CACNA2D1: variants seen among roughly 807,000 people sequenced by gnomAD.
CACNA2D1 encodes the protein calcium voltage-gated channel auxiliary subunit alpha2delta 1.
CACNA2D1 carries 53 observed loss-of-function variants against 171.5 expected under a neutral mutation model. That is an observed-to-expected ratio of 0.31 (90% CI 0.25 to 0.39). The LOEUF is 0.39. CACNA2D1 is among the 10% of genes least tolerant of loss of function. The pLI is 1.00. For synonymous variants in CACNA2D1, 442 were observed against 443.1 expected (o/e 1.00, Z 0.03); for missense variants, 903 against 1,299.8 (o/e 0.69, Z 4.69).
chr7:82,387,936 G>A (rs1824601782), intron 1 of CACNA2D1, among the ~76,000 whole-genome samples: 1 of 151,854 alleles, frequency 6.6e-6, no homozygotes. Flanking sequence ...TAAAAAATTA[G>A]CTGGTCATGG....
intron 2 of CACNA2D1, among the ~76,000 whole-genome samples, chr7:82,342,499 C>T (rs746505773): frequency 6.6e-6 from 1 of 151,854 alleles, no homozygotes; most frequent in Non-Finnish European, 1.5e-5. Flanking sequence ...TATTTTAAAC[C>T]TAAAAAAATC....
intron 1 of CACNA2D1, among the ~76,000 whole-genome samples, chr7:82,437,680 C>T (rs995287303): frequency 1.4e-5 from 2 of 138,260 alleles, no homozygotes; most frequent in African/African-American, 4.9e-5. Context: ...ATCTTTTCCT[C>T]GTTCATAACC....
intron 3 of CACNA2D1, among the ~76,000 whole-genome samples, chr7:82,323,458 C>T (rs552276645): frequency 7.9e-5 from 12 of 152,256 alleles, no homozygotes; most frequent in South Asian, 4.1e-4. Context: ...CTACCACTAA[C>T]GACCTATGCG....
chr7:82,261,511 T>C (rs1175371461), intron 3 of CACNA2D1, among the ~76,000 whole-genome samples: 1 of 152,206 alleles, frequency 6.6e-6, no homozygotes, highest in Non-Finnish European at 1.5e-5. Flanking sequence ...AGATAAGTAT[T>C]AACGAGAAGG....
At chr7:82,191,832 G>T (rs1371425022) in intron 3 of CACNA2D1, among the ~76,000 whole-genome samples, 6 of 151,684 alleles carry the variant, frequency 4.0e-5, no homozygotes, top group Admixed American at 3.9e-4. Context: ...TTTTATTAAT[G>T]AATATATTTC....
At chr7:82,045,082 T>A (rs1158252582) in intron 10 of CACNA2D1, among the ~76,000 whole-genome samples, 1 of 151,230 alleles carries the variant, frequency 6.6e-6, no homozygotes, top group Non-Finnish European at 1.5e-5. Flanking sequence ...GTCTTTGAAT[T>A]TCAGAAGTCA....
At chr7:82,189,510 A>G (rs1326721481) in intron 3 of CACNA2D1, among the ~76,000 whole-genome samples, 1 of 151,966 alleles carries the variant, frequency 6.6e-6, no homozygotes, top group Non-Finnish European at 1.5e-5. Flanking sequence ...TTGGCACTAA[A>G]TTTACCATGA....
chr7:82,360,958 T>C (rs769288698), intron 1 of CACNA2D1, among the ~76,000 whole-genome samples: 3 of 152,212 alleles, frequency 2.0e-5, no homozygotes, highest in Non-Finnish European at 4.4e-5. Context: ...AGTTAGTCCA[T>C]CTTCAACTTT....
rs752401774 is a variant in CACNA2D1, at chr7:81,983,295, G to C, written c.1894+19C>G. ...AGTGTACTAAACAGAAAGAAGTTGAGCAACAAGAAAATACTTGCCCTTCAT... is the reference window on the plus strand; with the variant it reads ...AGTGTACTAAACAGAAAGAAGTTGACCAACAAGAAAATACTTGCCCTTCAT... On this transcript the variant is annotated intron_variant, in intron 23 of 38. Coordinates refer to ENST00000356860, the MANE Select transcript of CACNA2D1 (RefSeq NM_000722.4). The C allele has an allele frequency of 8.1e-5, 129 of 1,601,000 alleles. No homozygotes were observed. The South Asian group carries it at 1.2e-3, about 15-fold the overall frequency.
At chr7:81,999,660 T>C (rs910068224) in intron 18 of CACNA2D1, among the ~76,000 whole-genome samples, 4 of 152,150 alleles carry the variant, frequency 2.6e-5, no homozygotes, top group African/African-American at 9.7e-5. Context: ...TTTAATTATA[T>C]TGTTAAGAGT....
chr7:82,178,627 T>C (rs1199380645), intron 3 of CACNA2D1, among the ~76,000 whole-genome samples: 2 of 152,106 alleles, frequency 1.3e-5, no homozygotes, highest in Non-Finnish European at 2.9e-5. Flanking sequence ...AGATAAACCT[T>C]GAAAACACTC....
At chr7:81,971,168 A>G (rs1343772128) in intron 26 of CACNA2D1, 1 of 209,926 alleles carries the variant, frequency 4.8e-6, no homozygotes, top group African/African-American at 2.4e-5. Context: ...TCCATCTTAG[A>G]GAGCTTCACC....
intron 2 of CACNA2D1, among the ~76,000 whole-genome samples, chr7:82,337,039 G>A (rs1449933253): frequency 6.6e-6 from 1 of 151,978 alleles, no homozygotes; most frequent in Admixed American, 6.6e-5. Context: ...GTGCTTTAAG[G>A]AATAAATAGA....
intron 38 of CACNA2D1, among the ~76,000 whole-genome samples, chr7:81,955,848 G>GATAGATTTATAATTAT (rs1793192572): frequency 7.7e-6 from 1 of 129,228 alleles, no homozygotes; most frequent in Admixed American, 9.8e-5. Context: ...TTATTGCCAT[G>GATAGATTTATAATTAT]ATAGATTTAT....
chr7:82,034,541 A>AAATCTGATACCTTCAAATCTGG (rs1562900237), intron 11 of CACNA2D1, among the ~76,000 whole-genome samples: 3 of 152,046 alleles, frequency 2.0e-5, no homozygotes, highest in Non-Finnish European at 4.4e-5. Context: ...TTTGAAGGTA[A>AAATCTGATACCTTCAAATCTGG]CCTATCTGAA....
chr7:82,081,809 G>A (rs573648101), intron 7 of CACNA2D1, among the ~76,000 whole-genome samples: 17 of 152,050 alleles, frequency 1.1e-4, no homozygotes, highest in African/African-American at 3.9e-4. Context: ...GCACTCCAGC[G>A]TGGTTCCCAC....
At chr7:82,164,181 A>C (rs1236930421) in intron 4 of CACNA2D1, among the ~76,000 whole-genome samples, 1 of 151,986 alleles carries the variant, frequency 6.6e-6, no homozygotes, top group Non-Finnish European at 1.5e-5. Flanking sequence ...TAATGCTTAC[A>C]AGCAAAAACA....
intron 10 of CACNA2D1, among the ~76,000 whole-genome samples, chr7:82,047,259 C>T (rs925179820): frequency 4.6e-5 from 7 of 152,124 alleles, no homozygotes; most frequent in African/African-American, 1.7e-4. Flanking sequence ...AATTTGAATG[C>T]CAGCTCCTGA....
intron 12 of CACNA2D1, among the ~76,000 whole-genome samples, chr7:82,015,487 G>A (rs1286489189): frequency 6.6e-6 from 1 of 152,064 alleles, no homozygotes; most frequent in Admixed American, 6.6e-5. Flanking sequence ...GAAAGACATT[G>A]AATTTAAATA....
Sources: allele counts gnomAD v4.1 joint callset (sites outside exome capture counted in the v4.1 genomes callset), GRCh38; gene constraint gnomAD v4.1.1; transcripts MANE v1.5; gene names NCBI Gene and HGNC (gene_info 2026-07-23, HGNC 2026-07-21).